The following STAU1 variants were observed in gnomAD, a reference collection of about 807,000 sequenced individuals.
STAU1 encodes the protein staufen double-stranded RNA binding protein 1.
In STAU1, 13 loss-of-function variants were observed where a neutral mutation model predicts 62.9. That is an observed-to-expected ratio of 0.21 (90% CI 0.13 to 0.33). STAU1 has a LOEUF of 0.33. Among genes scored for constraint, STAU1 ranks in the 10% least tolerant of loss-of-function variants. STAU1 has a pLI of 1.00. For missense variants in STAU1, 571 were observed against 712.1 expected, an observed-to-expected ratio of 0.80 and a Z score of 2.25; for synonymous variants, 269 against 265.1, an observed-to-expected ratio of 1.01 and a Z score of -0.14.
intron 2 of STAU1, among the ~76,000 whole-genome samples, chr20:49,166,700 T>A (rs1201893090): frequency 6.6e-6 from 1 of 152,176 alleles, no homozygotes; most frequent in Non-Finnish European, 1.5e-5. Flanking sequence ...CAAACTAGGT[T>A]TATCATACCA....
At chr20:49,202,230 AAAAG>A in the STAU1 span, among the ~76,000 whole-genome samples, 39,223 of 128,098 alleles carry the variant, frequency 0.31, 6,424 homozygotes, top group Middle Eastern at 0.44. Context: ...AAAAAAAAAA[AAAAG>A]AAAGAAAGAA....
intron 3 of STAU1, among the ~76,000 whole-genome samples, chr20:49,164,964 G>C (rs920054223): frequency 3.9e-5 from 6 of 152,078 alleles, no homozygotes; most frequent in African/African-American, 1.4e-4. Flanking sequence ...CCCTTGCTTG[G>C]GATAAAATCT....
chr20:49,167,331 GTTACT>G (rs1192533940), intron 2 of STAU1, among the ~76,000 whole-genome samples: 1 of 152,140 alleles, frequency 6.6e-6, no homozygotes, highest in Non-Finnish European at 1.5e-5. Context: ...TAAAGAAACA[GTTACT>G]TTAATTTTTT....
chr20:49,171,760 A>G (rs944765341), intron 2 of STAU1, among the ~76,000 whole-genome samples: 3 of 152,186 alleles, frequency 2.0e-5, no homozygotes, highest in African/African-American at 7.2e-5. Flanking sequence ...GGCAGACGCT[A>G]GTACAGAAGC....
the STAU1 span, among the ~76,000 whole-genome samples, chr20:49,215,340 T>C: frequency 6.6e-6 from 1 of 152,202 alleles, no homozygotes; most frequent in Admixed American, 6.5e-5. Flanking sequence ...CTCACTTATA[T>C]CACCTGTATG....
chr20:49,201,432 T>C, the STAU1 span, among the ~76,000 whole-genome samples: 2 of 151,948 alleles, frequency 1.3e-5, no homozygotes, highest in African/African-American at 4.8e-5. Context: ...GTTGGTAAAT[T>C]TGTCTCTCAC....
At chr20:49,158,363 T>G (rs1600781924) in intron 3 of STAU1, 1 of 1,028,972 alleles carries the variant, frequency 9.7e-7, no homozygotes, top group East Asian at 6.0e-5. Flanking sequence ...TTACAAATAA[T>G]TTACAAGGGA....
intron 4 of STAU1, 79 bp downstream of exon 4, chr20:49,153,854 C>T: frequency 7.1e-7 from 1 of 1,403,978 alleles, no homozygotes; most frequent in South Asian, 1.6e-5. Flanking sequence ...CCTCCACAAT[C>T]TAGAGGTACT....
the STAU1 span, chr20:49,219,280 G>GC: frequency 7.0e-7 from 1 of 1,432,450 alleles, no homozygotes; most frequent in South Asian, 1.4e-5. Context: ...AACCAACCAC[G>GC]CCCCATATTG....
chr20:49,116,984 G>C (rs2092342977), intron 12 of STAU1, 142 bp downstream of exon 12: 6 of 1,087,200 alleles, frequency 5.5e-6, no homozygotes, highest in Non-Finnish European at 7.9e-6. Flanking sequence ...TCAAAAATAT[G>C]AACACTATCA....
the STAU1 span, among the ~76,000 whole-genome samples, chr20:49,200,983 G>A: frequency 3.1e-4 from 43 of 136,884 alleles, no homozygotes; most frequent in Admixed American, 1.4e-3. Flanking sequence ...AAGCTGCAGT[G>A]AGCCGTGATC....
At chr20:49,184,324 T>C (rs1274285088) in intron 1 of STAU1, among the ~76,000 whole-genome samples, 1 of 151,762 alleles carries the variant, frequency 6.6e-6, no homozygotes, top group African/African-American at 2.4e-5. Flanking sequence ...CAGTTCAGGG[T>C]TGGGGTGGCT....
At chr20:49,165,395 G>A (rs1204459739) in intron 3 of STAU1, among the ~76,000 whole-genome samples, 1 of 151,760 alleles carries the variant, frequency 6.6e-6, no homozygotes. Context: ...CTGGAGTGAA[G>A]TGGCACAGTC....
Position 49,144,991 on chromosome 20 carries a change from C to T in STAU1, c.510+6591G>A, listed in dbSNP as rs1344120865. ...ACTTACAAAAGGATCCAAAAGACCC[C>T]TATGATAATTGTAAGACAGAAAGAG... On this transcript the variant is annotated intron_variant, in intron 5 of 13. Transcript: ENST00000371856. Among the ~76,000 whole-genome samples, 5 of 152,134 alleles carry T rather than the reference C, an allele frequency of 3.3e-5. No individual in the cohort carries two copies. The East Asian group carries it at 5.8e-4, about 18-fold the overall frequency.
chr20:49,128,154 GA>G (rs71184263), intron 6 of STAU1, among the ~76,000 whole-genome samples: 61 of 145,334 alleles, frequency 4.2e-4, no homozygotes, highest in East Asian at 8.1e-4. Context: ...TGTCTCAGAG[GA>G]AAAAAAAAAA....
the STAU1 span, among the ~76,000 whole-genome samples, chr20:49,216,899 T>C: frequency 6.6e-6 from 1 of 152,158 alleles, no homozygotes; most frequent in Non-Finnish European, 1.5e-5. Context: ...CTACATCTTA[T>C]CCATTGCAAA....
At chr20:49,175,035 A>T (rs2093642290) in intron 1 of STAU1, among the ~76,000 whole-genome samples, 2 of 152,046 alleles carry the variant, frequency 1.3e-5, no homozygotes, top group Non-Finnish European at 2.9e-5. Context: ...GCACACCTGT[A>T]GTCCCAGCTA....
At position 49,166,273 on chromosome 20, in the gene STAU1, T is replaced by C. The variant is rs897404627; in HGVS notation, c.-72A>G. Reference sequence around the variant, plus strand: ...TGCAGGTTAATTCAGTGCTATGAAGTCTAAAGTTCTACCTAAAAGTTGTAA... The same window carrying C: ...TGCAGGTTAATTCAGTGCTATGAAGCCTAAAGTTCTACCTAAAAGTTGTAA... On this transcript the variant is annotated 5_prime_UTR_variant, in exon 3 of 14. Coordinates refer to ENST00000371856, the MANE Select transcript of STAU1 (RefSeq NM_017453.4). 7.4e-7 allele frequency: 1 copy of C among 1,350,258 alleles called. No homozygotes were observed. The highest frequency in any genetic ancestry group is 1.5e-5 in the African/African-American group (1 of 68,888). 83.6% of individuals were successfully genotyped at this position (1,350,258 alleles called of 1,614,324 possible).
chr20:49,200,115 A>C, the STAU1 span, among the ~76,000 whole-genome samples: 4 of 152,228 alleles, frequency 2.6e-5, no homozygotes, highest in Non-Finnish European at 4.4e-5. Context: ...CATACAACCC[A>C]GCAGTCCCAG....
Sources: allele counts gnomAD v4.1 joint callset (sites outside exome capture counted in the v4.1 genomes callset), GRCh38; gene constraint gnomAD v4.1.1; transcripts MANE v1.5; gene names NCBI Gene and HGNC (gene_info 2026-07-23, HGNC 2026-07-21).